The following VPS13B variants were observed in gnomAD, a reference collection of about 807,000 sequenced individuals.
VPS13B encodes intermembrane lipid transfer protein VPS13B.
In VPS13B, 285 loss-of-function variants were observed where a neutral mutation model predicts 426.4. The ratio of observed to expected loss-of-function variants is 0.67; its 90% CI spans 0.61 to 0.74. VPS13B has a LOEUF of 0.74. VPS13B is among the 30% of genes least tolerant of loss of function. The probability of loss-of-function intolerance (pLI) is 0.00; values close to 1 mark genes in which losing one functional copy is unlikely to be tolerated. For missense variants in VPS13B, 4,537 were observed against 4,782.6 expected (o/e 0.95, Z 1.51); for synonymous variants, 1,676 against 1,676.4 (o/e 1.00, Z 0.01).
chr8:99,842,982 G>A (rs1261428574), intron 54 of VPS13B, among the ~76,000 whole-genome samples: 1 of 152,012 alleles, frequency 6.6e-6, no homozygotes, highest in African/African-American at 2.4e-5. Flanking sequence ...GCAAAATTCT[G>A]TTGCTATGAA....
intron 36 of VPS13B, among the ~76,000 whole-genome samples, chr8:99,711,970 G>A (rs551797399): frequency 3.9e-5 from 6 of 152,144 alleles, no homozygotes; most frequent in Non-Finnish European, 7.3e-5. Flanking sequence ...TAAGAAATTA[G>A]GCCTGGTTTT....
intron 3 of VPS13B, among the ~76,000 whole-genome samples, chr8:99,092,850 A>G (rs1279711341): frequency 6.6e-6 from 1 of 151,968 alleles, no homozygotes; most frequent in African/African-American, 2.4e-5. Flanking sequence ...AGTTTTTAAA[A>G]TAAATTTTGT....
chr8:99,249,528 G>A (rs527659211), intron 17 of VPS13B, among the ~76,000 whole-genome samples: 3 of 150,224 alleles, frequency 2.0e-5, no homozygotes, highest in East Asian at 2.0e-4. Flanking sequence ...GGTTCACGCC[G>A]TTCTCCTGCC....
chr8:99,828,084 A>G (rs567459492), intron 51 of VPS13B, among the ~76,000 whole-genome samples: 14 of 152,296 alleles, frequency 9.2e-5, no homozygotes, highest in African/African-American at 3.1e-4. Flanking sequence ...GTAGATGTCT[A>G]TTAGGTCCTC....
intron 39 of VPS13B, among the ~76,000 whole-genome samples, chr8:99,763,164 AAGAAG>A (rs1811033463): frequency 6.9e-6 from 1 of 145,340 alleles, no homozygotes; most frequent in Non-Finnish European, 1.5e-5. Flanking sequence ...AAAAAAAAAA[AAGAAG>A]AGAAAAATTA....
chr8:99,037,260 T>A (rs1842785969), intron 2 of VPS13B, among the ~76,000 whole-genome samples: 1 of 151,966 alleles, frequency 6.6e-6, no homozygotes, highest in Non-Finnish European at 1.5e-5. Context: ...ACTTAATAGC[T>A]GACCTTTAAA....
In VPS13B at chr8:99,835,694, A is replaced by G; in HGVS notation, c.9898A>G (p.Thr3300Ala). The stretch of plus-strand genomic sequence containing the variant: ...AGTTGAACCTCTAGATGAAGTAACA[A>G]CTGAGTGGAGTGATGCCATTGACAT... ...LRVEPLDEVT[T>A]EWSDAIDINS... Residue 3300 changes from threonine (T) to alanine (A), a missense_variant, in exon 54 of 62, where the codon ACT becomes GCT. Coordinates refer to ENST00000357162, the MANE Select transcript of VPS13B (RefSeq NM_152564.5). 1 of 1,614,128 alleles carries G rather than the reference A, an allele frequency of 6.2e-7. No individual in the cohort carries two copies.
At chr8:99,606,635 T>C (rs1035679861) in intron 33 of VPS13B, among the ~76,000 whole-genome samples, 1 of 148,170 alleles carries the variant, frequency 6.7e-6, no homozygotes, top group African/African-American at 2.5e-5. Context: ...TTTTCTTTTT[T>C]TTTTTTTTTT....
chr8:99,470,728 A>AG (rs1819357797), intron 24 of VPS13B, among the ~76,000 whole-genome samples: 2 of 151,982 alleles, frequency 1.3e-5, no homozygotes, highest in Admixed American at 1.3e-4. Context: ...TAGAAAAAAA[A>AG]AAAAGAGGAA....
At chr8:99,683,812 T>G (rs1288403976) in intron 35 of VPS13B, among the ~76,000 whole-genome samples, 1 of 152,178 alleles carries the variant, frequency 6.6e-6, no homozygotes, top group Non-Finnish European at 1.5e-5. Context: ...ATGGGCATCG[T>G]TTTCTTTGTT....
At chr8:99,438,409 A>G (rs1397413125) in intron 22 of VPS13B, among the ~76,000 whole-genome samples, 1 of 152,192 alleles carries the variant, frequency 6.6e-6, no homozygotes, top group Non-Finnish European at 1.5e-5. Context: ...TCAACTATCA[A>G]TCATGCTAAT....
intron 1 of VPS13B, 105 bp from the exon 2 acceptor site, chr8:99,013,655 C>T: frequency 1.9e-6 from 2 of 1,055,250 alleles, no homozygotes; most frequent in South Asian, 2.6e-5. Context: ...TAAGAGGAGG[C>T]GAACGGCCGC....
At chr8:99,716,517 A>G (rs1832929242) in intron 36 of VPS13B, among the ~76,000 whole-genome samples, 1 of 152,148 alleles carries the variant, frequency 6.6e-6, no homozygotes, top group Admixed American at 6.5e-5. Flanking sequence ...CTACACTCCT[A>G]TTTTAAGTTC....
intron 19 of VPS13B, among the ~76,000 whole-genome samples, chr8:99,301,816 G>C (rs775877290): frequency 1.3e-5 from 2 of 151,982 alleles, no homozygotes; most frequent in Non-Finnish European, 2.9e-5. Context: ...AAATACAGAT[G>C]GGGTCTCATT....
rs758987762 is a variant in VPS13B, at chr8:99,876,151, A to AGAG, written c.*486_*488dup. On this transcript the variant is annotated 3_prime_UTR_variant, in exon 62 of 62. Coordinates refer to ENST00000357162, the MANE Select transcript of VPS13B (RefSeq NM_152564.5). ...TGGCCAGGCCTTACAATGGAGAGCC[A>AGAG]GAGTTAAAACTTCAAGTTGCATCTG... 2 of 170,732 alleles carry AGAG rather than the reference A, an allele frequency of 1.2e-5. No homozygotes were observed. The highest frequency in any genetic ancestry group is 1.4e-4 in the South Asian group (1 of 7,134). 10.6% of individuals were successfully genotyped at this position (170,732 alleles called of 1,614,324 possible).
intron 39 of VPS13B, among the ~76,000 whole-genome samples, chr8:99,737,649 TCAGA>T (rs997387451): frequency 1.3e-5 from 2 of 152,236 alleles, no homozygotes; most frequent in African/African-American, 4.8e-5. Context: ...AAAGCGTGTA[TCAGA>T]CAGTTTTCTC....
chr8:99,208,103 A>G (rs1217307591), intron 17 of VPS13B, among the ~76,000 whole-genome samples: 1 of 152,184 alleles, frequency 6.6e-6, no homozygotes, highest in African/African-American at 2.4e-5. Context: ...GCTTAAAATC[A>G]TGTTGGAAGG....
intron 3 of VPS13B, among the ~76,000 whole-genome samples, chr8:99,045,834 T>G (rs1241745126): frequency 6.6e-6 from 1 of 152,214 alleles, no homozygotes; most frequent in African/African-American, 2.4e-5. Context: ...TTTGTTTGCT[T>G]TGTCAAAGAT....
chr8:99,521,945 A>AT (rs1309377029), intron 30 of VPS13B, among the ~76,000 whole-genome samples: 15 of 151,744 alleles, frequency 9.9e-5, no homozygotes, highest in Admixed American at 2.0e-4. Context: ...TCTTCCTTGT[A>AT]TTTTTTTTAG....
Sources: allele counts gnomAD v4.1 joint callset (sites outside exome capture counted in the v4.1 genomes callset), GRCh38; gene constraint gnomAD v4.1.1; transcripts MANE v1.5; gene names NCBI Gene and HGNC (gene_info 2026-07-23, HGNC 2026-07-21).